RHEB: variants seen among roughly 807,000 people sequenced by gnomAD.
The protein encoded by RHEB is GTP-binding protein Rheb.
A neutral mutation model predicts 28.8 loss-of-function variants in RHEB; 2 were observed. The ratio of observed to expected loss-of-function variants is 0.07; its 90% confidence interval spans 0.03 to 0.22. The LOEUF is 0.22. RHEB is among the 10% of genes least tolerant of loss of function. RHEB has a pLI of 1.00. For missense variants in RHEB, 76 were observed against 219.9 expected, an observed-to-expected ratio of 0.35 and a Z score of 4.14; for synonymous variants, 69 against 77.3, an observed-to-expected ratio of 0.89 and a Z score of 0.56.
chr7:151,498,196 C>G (rs1375803747), intron 1 of RHEB: 14 of 1,273,078 alleles, frequency 1.1e-5, no homozygotes, highest in Non-Finnish European at 1.4e-5. Flanking sequence ...AGGAAAAGGT[C>G]AGGTAAATAG....
At chr7:151,501,978 C>A in intron 1 of RHEB, 1 of 609,972 alleles carries the variant, frequency 1.6e-6, no homozygotes, top group Non-Finnish European at 3.1e-6. Flanking sequence ...TGGCTCACGC[C>A]TGTAATCCCA....
intron 1 of RHEB, among the ~76,000 whole-genome samples, chr7:151,511,153 T>C (rs772849991): frequency 5.3e-5 from 8 of 152,266 alleles, no homozygotes; most frequent in South Asian, 2.1e-4. Context: ...ACAGAAGTCT[T>C]AGAAAAGCAT....
intron 3 of RHEB, among the ~76,000 whole-genome samples, chr7:151,477,843 T>C (rs1802298661): frequency 2.0e-5 from 3 of 152,298 alleles, no homozygotes; most frequent in South Asian, 2.1e-4. Flanking sequence ...ATTTATTCTC[T>C]GCATGTCAGT....
rs78715451 is a variant in RHEB, at chr7:151,512,891, G to A, written c.52+6569C>T. Among the ~76,000 whole-genome samples the A allele has an allele frequency of 7.7e-3, 1,173 of 152,278 alleles. 17 individuals carry two copies. The highest frequency in any genetic ancestry group is 0.027 in the African/African-American group (1,101 of 41,544). On this transcript the variant is annotated intron_variant, in intron 1 of 7. Coordinates refer to ENST00000262187, the MANE Select transcript of RHEB (RefSeq NM_005614.4). ...AGTTATCATTTGCCTTTTCCACAAA[G>A]TTCCCATTTGTACTAAGGGTGCAAA...
chr7:151,497,518 C>A (rs1207841804), intron 1 of RHEB, among the ~76,000 whole-genome samples: 2 of 152,204 alleles, frequency 1.3e-5, no homozygotes, highest in Non-Finnish European at 2.9e-5. Context: ...AGTTCATAAT[C>A]ACTTAAAGGA....
intron 1 of RHEB, among the ~76,000 whole-genome samples, chr7:151,501,654 T>C (rs1324319903): frequency 6.6e-6 from 1 of 152,258 alleles, no homozygotes; most frequent in African/African-American, 2.4e-5. Flanking sequence ...TGCATGTTTA[T>C]ACTGGTTTTA....
At chr7:151,479,238 G>T (rs1257708190) in intron 3 of RHEB, among the ~76,000 whole-genome samples, 1 of 152,104 alleles carries the variant, frequency 6.6e-6, no homozygotes, top group Non-Finnish European at 1.5e-5. Context: ...CTGAGTGTAG[G>T]GACAAGCCCA....
chr7:151,496,160 T>C (rs1027945961), intron 1 of RHEB, among the ~76,000 whole-genome samples: 18 of 152,230 alleles, frequency 1.2e-4, no homozygotes, highest in Non-Finnish European at 1.3e-4. Flanking sequence ...TAAGGGGCTT[T>C]GATGACCATG....
intron 1 of RHEB, among the ~76,000 whole-genome samples, chr7:151,498,425 C>T (rs927544662): frequency 4.3e-4 from 65 of 151,782 alleles, no homozygotes; most frequent in East Asian, 1.7e-3. Flanking sequence ...AAGACCAGCC[C>T]GGGCAACACA....
intron 1 of RHEB, among the ~76,000 whole-genome samples, chr7:151,494,217 G>T (rs1033914565): frequency 6.6e-6 from 1 of 152,220 alleles, no homozygotes; most frequent in African/African-American, 2.4e-5. Flanking sequence ...TAGTGAAAGA[G>T]GGGCTAAGTA....
chr7:151,512,872 C>A (rs1803015521), intron 1 of RHEB, among the ~76,000 whole-genome samples: 1 of 152,204 alleles, frequency 6.6e-6, no homozygotes, highest in South Asian at 2.1e-4. Flanking sequence ...ATTAAGTTAT[C>A]ATTTGCCTTT....
At chr7:151,473,609 G>C (rs1345709382) in intron 4 of RHEB, among the ~76,000 whole-genome samples, 1 of 152,104 alleles carries the variant, frequency 6.6e-6, no homozygotes, top group Non-Finnish European at 1.5e-5. Flanking sequence ...ATAAATATTT[G>C]TGTATTCAGC....
Position 151,481,036 on chromosome 7 carries a change from GT to G in RHEB, c.193-3622del, listed in dbSNP as rs1264627862. On this transcript the variant is annotated intron_variant, in intron 3 of 7. Transcript: ENST00000262187. ...TTTTTTCATGAAAAATCAGACCTTG[GT>G]GACCTTGAGCAGTAGGATATAAATA... 4.0e-5 allele frequency among the ~76,000 whole-genome samples: 6 copies of G among 151,864 alleles called. 1 individual carries two copies. Among genetic ancestry groups the G allele is most frequent in the Admixed American group, 2.0e-4 (3 of 15,234 alleles).
intron 1 of RHEB, among the ~76,000 whole-genome samples, chr7:151,512,689 G>A (rs562194355): frequency 2.0e-5 from 3 of 152,282 alleles, no homozygotes; most frequent in African/African-American, 4.8e-5. Flanking sequence ...GAACCATATC[G>A]CTGTGAACAG....
intron 1 of RHEB, chr7:151,502,311 A>G (rs1802787439): frequency 2.5e-6 from 2 of 787,968 alleles, no homozygotes; most frequent in African/African-American, 1.7e-5. Flanking sequence ...CCTCCCAAAG[A>G]CCAGATTTCA....
chr7:151,515,999 T>C (rs1468799538), intron 1 of RHEB, among the ~76,000 whole-genome samples: 2 of 152,154 alleles, frequency 1.3e-5, no homozygotes, highest in Non-Finnish European at 2.9e-5. Context: ...AAAATCCCAG[T>C]GAAAGATGTA....
intron 1 of RHEB, chr7:151,498,274 C>T (rs1161019920): frequency 8.7e-6 from 5 of 573,586 alleles, no homozygotes; most frequent in Non-Finnish European, 1.5e-5. Context: ...GGGGAAACAT[C>T]AATGAAAGAA....
chr7:151,512,304 G>A (rs1803005697), intron 1 of RHEB, among the ~76,000 whole-genome samples: 1 of 152,178 alleles, frequency 6.6e-6, no homozygotes, highest in South Asian at 2.1e-4. Flanking sequence ...CACAATCACA[G>A]GTAGAGGTGG....
At chr7:151,469,659 T>G (rs1407498367) in intron 7 of RHEB, among the ~76,000 whole-genome samples, 1 of 152,078 alleles carries the variant, frequency 6.6e-6, no homozygotes, top group South Asian at 2.1e-4. Context: ...AAGTAGATAC[T>G]TAGAGAAGGG....
Sources: gnomAD v4.1 joint callset for allele counts (sites outside exome capture counted in the v4.1 genomes callset) on GRCh38, gnomAD v4.1.1 for gene constraint, MANE v1.5 for transcripts, NCBI Gene and HGNC (gene_info 2026-07-23, HGNC 2026-07-21) for gene names.